Variants in EXD3 observed in about 807,000 individuals in gnomAD.
EXD3 encodes exonuclease 3'-5' domain containing 3.
Under a neutral mutation model 98.0 loss-of-function variants are expected in EXD3, and 92 were observed. The observed-to-expected ratio is 0.94, with a 90% confidence interval of 0.79 to 1.12. The LOEUF (loss-of-function observed/expected upper bound fraction) is 1.12. EXD3 is among the 50% of genes most tolerant of loss of function. The pLI, the probability that EXD3 is intolerant of heterozygous loss-of-function variation, is 0.00. For missense variants in EXD3, 1,222 were observed against 1,191.6 expected (o/e 1.03, Z -0.38); for synonymous variants, 569 against 526.0 (o/e 1.08, Z -1.12).
At chr9:137,345,375 G>T (rs1160309019) in intron 17 of EXD3, among the ~76,000 whole-genome samples, 1 of 152,146 alleles carries the variant, frequency 6.6e-6, no homozygotes, top group East Asian at 1.9e-4. Context: ...GATTTGGAAA[G>T]ATCCTGCCGG....
intron 1 of EXD3, among the ~76,000 whole-genome samples, chr9:137,418,675 G>A (rs1329817565): frequency 6.6e-6 from 1 of 152,076 alleles, no homozygotes; most frequent in Non-Finnish European, 1.5e-5. Flanking sequence ...CTGTACGTGA[G>A]ATGTATAAGA....
chr9:137,382,243 C>T (rs535448552), intron 3 of EXD3, among the ~76,000 whole-genome samples: 4 of 147,084 alleles, frequency 2.7e-5, no homozygotes, highest in South Asian at 2.1e-4. Flanking sequence ...AAATGCCTGA[C>T]GGCCTCATGG....
intron 17 of EXD3, among the ~76,000 whole-genome samples, chr9:137,337,380 C>T (rs151178203): frequency 4.7e-4 from 71 of 152,128 alleles, no homozygotes; most frequent in Middle Eastern, 6.8e-3. Context: ...AGGCTGGGTG[C>T]GGTGGCTCAC....
chr9:137,396,648 A>C (rs984382730), intron 1 of EXD3, among the ~76,000 whole-genome samples: 5 of 152,146 alleles, frequency 3.3e-5, no homozygotes, highest in African/African-American at 1.2e-4. Flanking sequence ...ACACACAACA[A>C]CACAACCTCC....
intron 17 of EXD3, among the ~76,000 whole-genome samples, chr9:137,325,178 A>G (rs1432690222): frequency 1.3e-5 from 2 of 152,174 alleles, no homozygotes; most frequent in East Asian, 3.8e-4. Context: ...TTCTACATAC[A>G]TTTTACACTA....
chr9:137,328,621 A>ACACGGGACTACACGGGG lies in EXD3; in HGVS notation c.1999-4479_1999-4478insCCCCGTGTAGTCCCGTG, dbSNP rs1564477411. Among the ~76,000 whole-genome samples the ACACGGGACTACACGGGG allele has an allele frequency of 5.1e-4, 9 of 17,560 alleles. 1 individual carries two copies. The highest frequency in any genetic ancestry group is 5.9e-4 in the Non-Finnish European group (5 of 8,540). 11.5% of individuals were successfully genotyped at this position (17,560 alleles called of 152,430 possible). On this transcript the variant is annotated intron_variant, in intron 17 of 21. Coordinates refer to ENST00000340951, the MANE Select transcript of EXD3 (RefSeq NM_017820.5). Reference sequence around the variant, plus strand: ...ACGGGACTACACGGGGCTACACGGGACTACACGGGACTACACGGGGCTACA... The same window carrying ACACGGGACTACACGGGG: ...ACGGGACTACACGGGGCTACACGGGACACGGGACTACACGGGGCTACACGGGACTACACGGGGCTACA...
At chr9:137,398,892 G>A (rs554711938) in intron 1 of EXD3, among the ~76,000 whole-genome samples, 4 of 143,332 alleles carry the variant, frequency 2.8e-5, no homozygotes, top group South Asian at 2.3e-4. Context: ...ACATGCACCC[G>A]CGTCCCCAAG....
intron 3 of EXD3, among the ~76,000 whole-genome samples, chr9:137,382,311 C>G (rs1836354778): frequency 6.6e-6 from 1 of 151,524 alleles, no homozygotes; most frequent in Non-Finnish European, 1.5e-5. Context: ...AAGCGCTGCT[C>G]CAAGGAGACG....
intron 17 of EXD3, among the ~76,000 whole-genome samples, chr9:137,338,031 C>T (rs1006453681): frequency 6.6e-6 from 1 of 152,172 alleles, no homozygotes; most frequent in Non-Finnish European, 1.5e-5. Flanking sequence ...TCGTGATCTG[C>T]CCGCCTCGGC....
intron 3 of EXD3, among the ~76,000 whole-genome samples, chr9:137,381,643 C>T (rs1186497797): frequency 1.3e-5 from 2 of 152,126 alleles, no homozygotes; most frequent in Admixed American, 1.3e-4. Context: ...CCTAAGCCCT[C>T]CCAGACGGCC....
chr9:137,343,702 C>T (rs1156399291), intron 17 of EXD3, among the ~76,000 whole-genome samples: 1 of 143,864 alleles, frequency 7.0e-6, no homozygotes, highest in Non-Finnish European at 1.5e-5. Context: ...CATTCTCCTG[C>T]CTCAGCCTCC....
At chr9:137,339,217 T>C (rs1184866611) in intron 17 of EXD3, among the ~76,000 whole-genome samples, 1 of 151,886 alleles carries the variant, frequency 6.6e-6, no homozygotes, top group Admixed American at 6.6e-5. Context: ...TCACAGGAAG[T>C]GAGCCAGTTT....
chr9:137,397,704 T>C (rs915690315), intron 1 of EXD3, among the ~76,000 whole-genome samples: 5 of 152,132 alleles, frequency 3.3e-5, no homozygotes, highest in East Asian at 3.9e-4. Flanking sequence ...CCGAGTGCAG[T>C]GTGGGAGGCT....
chr9:137,365,636 TGC>T (rs1564515576), intron 7 of EXD3: 2 of 164,060 alleles, frequency 1.2e-5, no homozygotes, highest in South Asian at 2.1e-4. Flanking sequence ...CACACACACG[TGC>T]ACACACATAC....
At chr9:137,363,556 T>G (rs1455574527) in intron 7 of EXD3, among the ~76,000 whole-genome samples, 1 of 151,972 alleles carries the variant, frequency 6.6e-6, no homozygotes, top group African/African-American at 2.4e-5. Context: ...CAGGCTGTTC[T>G]CAAACTTCTG....
chr9:137,367,650 C>T, intron 6 of EXD3: 1 of 381,548 alleles, frequency 2.6e-6, no homozygotes, highest in South Asian at 3.1e-5. Flanking sequence ...GCAGCTGGTG[C>T]CCACTCCAGG....
chr9:137,370,130 G>A (rs1835515584), intron 5 of EXD3, among the ~76,000 whole-genome samples: 1 of 152,120 alleles, frequency 6.6e-6, no homozygotes. Context: ...GGGGCTGGGG[G>A]GTGGCTAGTA....
At chr9:137,338,761 C>A (rs867946919) in intron 17 of EXD3, among the ~76,000 whole-genome samples, 1 of 149,798 alleles carries the variant, frequency 6.7e-6, no homozygotes. Flanking sequence ...GGAGTGGTGG[C>A]GGGCGCCTGT....
intron 7 of EXD3, among the ~76,000 whole-genome samples, chr9:137,357,713 T>C (rs1013977954): frequency 2.9e-5 from 4 of 140,168 alleles, no homozygotes; most frequent in Non-Finnish European, 6.1e-5. Flanking sequence ...TATATACATA[T>C]ATATATTATA....
Sources: gnomAD v4.1 joint callset for allele counts (sites outside exome capture counted in the v4.1 genomes callset) on GRCh38, gnomAD v4.1.1 for gene constraint, MANE v1.5 for transcripts, NCBI Gene and HGNC (gene_info 2026-07-23, HGNC 2026-07-21) for gene names.